C2orf42: variants seen among roughly 807,000 people sequenced by gnomAD.
C2orf42 encodes the protein uncharacterized protein C2orf42.
In C2orf42, 44 loss-of-function variants were observed where a neutral mutation model predicts 58.9. The ratio of observed to expected loss-of-function variants is 0.75; its 90% confidence interval spans 0.59 to 0.96. The LOEUF is 0.96. Ranked by LOEUF, C2orf42 falls within the 40% of genes least tolerant of loss-of-function variation. C2orf42 has a pLI of 0.00. For missense variants in C2orf42, 630 were observed against 699.2 expected, an observed-to-expected ratio of 0.90 and a Z score of 1.12; for synonymous variants, 239 against 265.4, an observed-to-expected ratio of 0.90 and a Z score of 0.97.
In C2orf42 at chr2:70,181,414, A is replaced by C. The variant is rs1485253486; in HGVS notation, c.572T>G (p.Val191Gly). The C allele has an allele frequency of 6.2e-7, 1 of 1,614,016 alleles. No homozygotes were observed. The highest frequency in any genetic ancestry group is 1.7e-5 in the Admixed American group (1 of 59,996). The change falls in exon 3 of 10, where the codon GTG becomes GGG. Residue 191 changes from valine (V) to glycine (G), a missense_variant. Coordinates refer to ENST00000264434, the MANE Select transcript of C2orf42 (RefSeq NM_017880.3). ...VQRITKNILV[V>G]KCKASQKHSL... ...GTGCTTCTGGCTTGCCTTGCATTTC[A>C]CCACCAAGATGTTTTTAGTAATTCT...
chr2:70,185,796 C>CATATAT (rs142755089), intron 1 of C2orf42, among the ~76,000 whole-genome samples: 3 of 149,626 alleles, frequency 2.0e-5, no homozygotes, highest in African/African-American at 7.4e-5. Context: ...TACACACACA[C>CATATAT]ATATATATAT....
chr2:70,175,410 C>A (rs933079276), intron 5 of C2orf42, among the ~76,000 whole-genome samples: 23 of 152,216 alleles, frequency 1.5e-4, no homozygotes, highest in Admixed American at 1.4e-3. Flanking sequence ...GTGTTCTCAT[C>A]ATTTAGCTCC....
At chr2:70,152,223 T>C (rs1672356795) in intron 9 of C2orf42, among the ~76,000 whole-genome samples, 2 of 152,194 alleles carry the variant, frequency 1.3e-5, no homozygotes, top group South Asian at 4.1e-4. Flanking sequence ...AAAGCATCCA[T>C]CCACCCACCC....
chr2:70,166,389 G>T (rs1322084096), intron 6 of C2orf42, among the ~76,000 whole-genome samples: 4 of 150,602 alleles, frequency 2.7e-5, no homozygotes, highest in African/African-American at 9.7e-5. Context: ...AGAGAGGCCA[G>T]GCGTGGTGAC....
At chr2:70,168,480 G>C (rs1180872048) in intron 6 of C2orf42, among the ~76,000 whole-genome samples, 1 of 150,794 alleles carries the variant, frequency 6.6e-6, no homozygotes, top group Admixed American at 6.6e-5. Context: ...AGTAGAGATG[G>C]GGTTTCACTG....
intron 1 of C2orf42, chr2:70,190,225 A>G (rs954882873): frequency 6.6e-6 from 1 of 152,242 alleles, no homozygotes; most frequent in Non-Finnish European, 1.5e-5. Context: ...CAAGTTTACA[A>G]ATCAGCCTCC....
At chr2:70,165,898 AT>A (rs1265885357) in intron 6 of C2orf42, among the ~76,000 whole-genome samples, 5 of 150,116 alleles carry the variant, frequency 3.3e-5, no homozygotes, top group East Asian at 3.9e-4. Flanking sequence ...ATAAAAAAAA[AT>A]TTTTTTTTTG....
intron 5 of C2orf42, 152 bp downstream of exon 5, chr2:70,175,521 A>C: frequency 1.5e-6 from 1 of 661,072 alleles, no homozygotes; most frequent in South Asian, 1.7e-5. Context: ...CATGATTTGA[A>C]ACTGGTGGGA....
rs141064327 is a variant in C2orf42, at chr2:70,150,545, T to G, written c.1536A>C (p.Gln512His). The change falls in exon 10 of 10, where the codon CAA becomes CAC. Residue 512 changes from glutamine (Q) to histidine (H), a missense_variant. Gln to His is a conservative substitution (Grantham distance 24). Transcript: ENST00000264434. ...CGATGATGAAAGGTGTTGGCTCCTT[T>G]TGATCTGGGGAAGTGTTGCCTAAAG... ...FLKVGNTSPDQKEPTPFIIEW... is the reference protein window; with the variant it reads ...FLKVGNTSPDHKEPTPFIIEW... 785 of 1,613,682 alleles carry G rather than the reference T, an allele frequency of 4.9e-4. No homozygotes were observed. Among genetic ancestry groups the G allele is most frequent in the Non-Finnish European group, 6.4e-4 (760 of 1,179,610 alleles).
At chr2:70,179,308 C>G (rs1055089325) in intron 4 of C2orf42, among the ~76,000 whole-genome samples, 3 of 151,934 alleles carry the variant, frequency 2.0e-5, no homozygotes, top group Non-Finnish European at 4.4e-5. Flanking sequence ...ATAGCTCACA[C>G]CTATAATTCC....
chr2:70,171,605 G>C (rs887016330), intron 5 of C2orf42, among the ~76,000 whole-genome samples: 1 of 151,930 alleles, frequency 6.6e-6, no homozygotes, highest in Non-Finnish European at 1.5e-5. Flanking sequence ...CTGCCTCCCG[G>C]GTTCAGGCGA....
At chr2:70,153,413 T>C (rs906306887) in intron 9 of C2orf42, among the ~76,000 whole-genome samples, 3 of 148,624 alleles carry the variant, frequency 2.0e-5, no homozygotes, top group Non-Finnish European at 4.5e-5. Context: ...CGCCAGGCTG[T>C]AGTGGTGCGA....
At chr2:70,170,046 A>G (rs1430772908) in intron 5 of C2orf42, among the ~76,000 whole-genome samples, 1 of 151,918 alleles carries the variant, frequency 6.6e-6, no homozygotes, top group Non-Finnish European at 1.5e-5. Context: ...GGCGTGAGCC[A>G]CCGCGCCCGG....
chr2:70,164,542 G>T (rs1405478222), intron 8 of C2orf42, among the ~76,000 whole-genome samples: 1 of 151,936 alleles, frequency 6.6e-6, no homozygotes, highest in South Asian at 2.1e-4. Context: ...TGAGGCAAGG[G>T]AATTGCTTGA....
At chr2:70,178,795 C>T (rs944884342) in intron 4 of C2orf42, among the ~76,000 whole-genome samples, 4 of 151,328 alleles carry the variant, frequency 2.6e-5, no homozygotes, top group African/African-American at 9.7e-5. Context: ...ATTAACTGGG[C>T]GTGCACCCTT....
At chr2:70,185,956 C>A (rs188706761) in intron 1 of C2orf42, among the ~76,000 whole-genome samples, 1 of 149,704 alleles carries the variant, frequency 6.7e-6, no homozygotes, top group East Asian at 2.0e-4. Flanking sequence ...CTGGTTTCTA[C>A]CCACTAGATC....
chr2:70,182,080 G>C, intron 2 of C2orf42, 83 bp from the exon 3 acceptor site: 1 of 667,524 alleles, frequency 1.5e-6, no homozygotes, highest in Non-Finnish European at 2.5e-6. Flanking sequence ...TAGTACAGAA[G>C]GCAAAATATA....
At chr2:70,183,679 G>A (rs1420357431) in intron 1 of C2orf42, among the ~76,000 whole-genome samples, 3 of 149,406 alleles carry the variant, frequency 2.0e-5, no homozygotes, top group African/African-American at 7.4e-5. Flanking sequence ...GACTCCCAAA[G>A]TGCTGGGATT....
At chr2:70,154,414 T>TAAAAAAAA (rs36028499) in intron 9 of C2orf42, among the ~76,000 whole-genome samples, 2 of 25,602 alleles carry the variant, frequency 7.8e-5, no homozygotes, top group Non-Finnish European at 1.5e-4. Flanking sequence ...AAATTTTTAC[T>TAAAAAAAA]AAAAAAAAAA....
Sources: allele counts gnomAD v4.1 joint callset (sites outside exome capture counted in the v4.1 genomes callset), GRCh38; gene constraint gnomAD v4.1.1; transcripts MANE v1.5; gene names NCBI Gene and HGNC (gene_info 2026-07-23, HGNC 2026-07-21).